The following CGNL1 variants were observed in gnomAD, a reference collection of about 807,000 sequenced individuals.
CGNL1 encodes the protein cingulin-like protein 1.
Under a neutral mutation model 141.2 loss-of-function variants are expected in CGNL1, and 132 were observed. The observed-to-expected ratio is 0.93, with a 90% CI of 0.81 to 1.08. CGNL1 has a LOEUF of 1.08. Ranked by LOEUF, CGNL1 falls within the 50% of genes least tolerant of loss-of-function variation. The pLI is 0.00. For synonymous variants in CGNL1, 690 were observed against 622.1 expected, an observed-to-expected ratio of 1.11 and a Z score of -1.63; for missense variants, 1,870 against 1,588.6, an observed-to-expected ratio of 1.18 and a Z score of -3.01.
chr15:57,523,534 A>C lies in CGNL1; in HGVS notation c.2761A>C (p.Lys921Gln). Reference sequence around the variant, plus strand: ...CCAGGAGCAGAAGCAGTTGTCTGAGAAGCTCAAAGAGGAGAGTGAGCAGAA... The same window carrying C: ...CCAGGAGCAGAAGCAGTTGTCTGAGCAGCTCAAAGAGGAGAGTGAGCAGAA... The part of the protein sequence containing the change: ...TTQEQKQLSE[K>Q]LKEESEQKEQ... The change falls in exon 11 of 19, where the codon AAG becomes CAG. Residue 921 changes from lysine to glutamine, a missense_variant. Coordinates refer to ENST00000281282, the MANE Select transcript of CGNL1 (RefSeq NM_032866.5). 6.2e-7 allele frequency: 1 copy of C among 1,614,192 alleles called. No homozygotes were observed. Among genetic ancestry groups the C allele is most frequent in the East Asian group, 2.2e-5 (1 of 44,884 alleles).
At chr15:57,507,211 G>A (rs1055253375) in intron 8 of CGNL1, among the ~76,000 whole-genome samples, 10 of 152,224 alleles carry the variant, frequency 6.6e-5, no homozygotes, top group East Asian at 3.9e-4. Flanking sequence ...GTTGTGTTTC[G>A]GAAAAATCAA....
chr15:57,386,489 G>C (rs1259304901), intron 1 of CGNL1, among the ~76,000 whole-genome samples: 2 of 152,208 alleles, frequency 1.3e-5, no homozygotes, highest in Non-Finnish European at 2.9e-5. Context: ...TGTGTTACGG[G>C]CATAGTAGGA....
At position 57,508,596 on chromosome 15, in the gene CGNL1, T is replaced by A. The variant is rs188680637; in HGVS notation, c.2404-8184T>A. Among the ~76,000 whole-genome samples the A allele has an allele frequency of 3.3e-5, 5 of 152,374 alleles. No individual in the cohort carries two copies. In the East Asian group the frequency reaches 9.6e-4, roughly 29 times the overall value. On this transcript the variant is annotated intron_variant, in intron 8 of 18. Coordinates refer to ENST00000281282, the MANE Select transcript of CGNL1 (RefSeq NM_032866.5). ...AAGGAAGGTTGCAATGTGAGCTGGC[T>A]GCAAAGCCTGCAGTAGCGCACAAGC...
At chr15:57,448,697 A>C (rs1427570745) in intron 4 of CGNL1, among the ~76,000 whole-genome samples, 1 of 152,160 alleles carries the variant, frequency 6.6e-6, no homozygotes, top group Non-Finnish European at 1.5e-5. Flanking sequence ...TTCTATTTTA[A>C]AAATATTAGT....
At chr15:57,536,624 T>A (rs914994040) in intron 14 of CGNL1, among the ~76,000 whole-genome samples, 1 of 152,210 alleles carries the variant, frequency 6.6e-6, no homozygotes. Flanking sequence ...GTTGCTGGCG[T>A]TTGGTCTGTT....
At chr15:57,381,890 G>A (rs1460108087) in intron 1 of CGNL1, among the ~76,000 whole-genome samples, 1 of 152,222 alleles carries the variant, frequency 6.6e-6, no homozygotes, top group Non-Finnish European at 1.5e-5. Flanking sequence ...GAAATTTATG[G>A]ACTGCTGCTT....
rs763750155 is a variant in CGNL1, at chr15:57,439,525, G to T, written c.1526G>T (p.Arg509Leu). Reference sequence around the variant, plus strand: ...ACCGCTACGCTGATGTTACAGAACCGGGCAACAGCAACTTCGCCTGATTCT... The same window carrying T: ...ACCGCTACGCTGATGTTACAGAACCTGGCAACAGCAACTTCGCCTGATTCT... The part of the protein sequence containing the change: ...TATATLMLQN[R>L]ATATSPDSGA... Residue 509 changes from arginine to leucine, a missense_variant, in exon 2 of 19, where the codon CGG becomes CTG. Arg to Leu is a moderately radical substitution (Grantham distance 102, BLOSUM62 -2). Coordinates refer to ENST00000281282, the MANE Select transcript of CGNL1 (RefSeq NM_032866.5). The T allele has an allele frequency of 6.2e-7, 1 of 1,614,170 alleles. No individual in the cohort carries two copies.
At chr15:57,487,435 C>T (rs1441064083) in intron 8 of CGNL1, among the ~76,000 whole-genome samples, 1 of 151,972 alleles carries the variant, frequency 6.6e-6, no homozygotes, top group East Asian at 1.9e-4. Context: ...TTAGTGGGAC[C>T]ATTTGGCCAG....
At chr15:57,406,405 A>G (rs768205935) in intron 1 of CGNL1, among the ~76,000 whole-genome samples, 2 of 152,196 alleles carry the variant, frequency 1.3e-5, no homozygotes, top group Non-Finnish European at 2.9e-5. Context: ...GAAGGAGGGC[A>G]GAGCATTCTG....
At chr15:57,475,771 G>A (rs1436428611) in intron 8 of CGNL1, among the ~76,000 whole-genome samples, 1 of 151,972 alleles carries the variant, frequency 6.6e-6, no homozygotes, top group African/African-American at 2.4e-5. Context: ...GTGCCCTAGT[G>A]GTCTCCCTGC....
At chr15:57,507,415 C>G (rs2064117853) in intron 8 of CGNL1, among the ~76,000 whole-genome samples, 5 of 152,136 alleles carry the variant, frequency 3.3e-5, no homozygotes, top group Admixed American at 3.3e-4. Context: ...TGAATCTTAA[C>G]TAGTTTTTTT....
chr15:57,542,125 C>T (rs1415293804), intron 14 of CGNL1, among the ~76,000 whole-genome samples: 1 of 152,168 alleles, frequency 6.6e-6, no homozygotes, highest in Non-Finnish European at 1.5e-5. Flanking sequence ...TTCCTGGGAC[C>T]CCAGTTCTTG....
At chr15:57,393,476 G>C (rs1313147606) in intron 1 of CGNL1, among the ~76,000 whole-genome samples, 1 of 152,148 alleles carries the variant, frequency 6.6e-6, no homozygotes, top group Non-Finnish European at 1.5e-5. Context: ...GTGTGCTTTT[G>C]AAATACAGAA....
rs144268800 is a variant in CGNL1 at position 57,442,621 on chromosome 15, T to G, written c.1803+143T>G. The G allele has an allele frequency of 8.7e-4, 470 of 542,178 alleles. 7 individuals are homozygous for G. The East Asian group carries it at 0.013, about 15-fold the overall frequency. 33.6% of individuals were successfully genotyped at this position (542,178 alleles called of 1,614,324 possible). Reference sequence around the variant, plus strand: ...TGAGGAGTACTCTTCATGTTTTACATGTTGCAGCAACATTTTATTGAGACA... The same window carrying G: ...TGAGGAGTACTCTTCATGTTTTACAGGTTGCAGCAACATTTTATTGAGACA... On this transcript the variant is annotated intron_variant, in intron 4 of 18. Coordinates refer to ENST00000281282, the MANE Select transcript of CGNL1 (RefSeq NM_032866.5).
At chr15:57,395,857 G>A (rs909037517) in intron 1 of CGNL1, among the ~76,000 whole-genome samples, 2 of 132,734 alleles carry the variant, frequency 1.5e-5, no homozygotes, top group Admixed American at 7.3e-5. Flanking sequence ...TACGAACCAA[G>A]TTAAAAAACA....
intron 4 of CGNL1, among the ~76,000 whole-genome samples, chr15:57,445,529 G>T (rs1232460924): frequency 2.6e-5 from 4 of 152,206 alleles, no homozygotes; most frequent in African/African-American, 9.6e-5. Flanking sequence ...AGCAAAGCAG[G>T]TAGAGATTTT....
At chr15:57,400,926 G>C (rs1346881439) in intron 1 of CGNL1, among the ~76,000 whole-genome samples, 1 of 140,186 alleles carries the variant, frequency 7.1e-6, no homozygotes, top group Non-Finnish European at 1.5e-5. Flanking sequence ...TGTTTGCAAT[G>C]AAAATTGAAG....
chr15:57,489,978 G>T (rs2063836045), intron 8 of CGNL1, among the ~76,000 whole-genome samples: 2 of 152,140 alleles, frequency 1.3e-5, no homozygotes, highest in Admixed American at 1.3e-4. Flanking sequence ...TCTGGAGGTT[G>T]GGGAAGCATA....
At chr15:57,451,430 G>C (rs1227663965) in intron 4 of CGNL1, 70 bp from the exon 5 acceptor site, 33 of 1,087,960 alleles carry the variant, frequency 3.0e-5, no homozygotes, top group Non-Finnish European at 4.3e-5. Flanking sequence ...GATTATATTT[G>C]GAGGGGGAAG....
Sources: allele counts gnomAD v4.1 joint callset (sites outside exome capture counted in the v4.1 genomes callset), GRCh38; gene constraint gnomAD v4.1.1; transcripts MANE v1.5; gene names NCBI Gene and HGNC (gene_info 2026-07-23, HGNC 2026-07-21).